ARID1B: variants seen among roughly 807,000 people sequenced by gnomAD.
The protein encoded by ARID1B is AT-rich interaction domain 1B, also known as AT-rich interactive domain-containing protein 1B.
A neutral mutation model predicts 212.3 loss-of-function variants in ARID1B; 30 were observed. The observed-to-expected ratio is 0.14, with a 90% confidence interval of 0.11 to 0.19. ARID1B has a LOEUF of 0.19. Ranked by LOEUF, ARID1B falls within the 10% of genes least tolerant of loss-of-function variation. The probability of loss-of-function intolerance (pLI) is 1.00; values close to 1 mark genes in which losing one functional copy is unlikely to be tolerated. For synonymous variants in ARID1B, 1,402 were observed against 1,301.7 expected, an observed-to-expected ratio of 1.08 and a Z score of -1.66; for missense variants, 2,891 against 3,204.0, an observed-to-expected ratio of 0.90 and a Z score of 2.36.
rs1793883342 is a variant in ARID1B, at chr6:156,955,316, A to G, written c.2247+19740A>G. On this transcript the variant is annotated intron_variant, in intron 4 of 19. Coordinates refer to ENST00000636930, the MANE Select transcript of ARID1B (RefSeq NM_001374828.1). The surrounding 1 kb of genome is among the most constrained non-coding windows in gnomAD (Gnocchi z 4.2). ...GCTTTCTGACATTCTGGTTATTGCC[A>G]TTCAACCAGGTGTGATAAACCTAGA... is the stretch of plus-strand genomic sequence containing the variant. 6.6e-6 allele frequency among the ~76,000 whole-genome samples: 1 copy of G among 152,222 alleles called. No homozygotes were observed. The highest frequency in any genetic ancestry group is 1.5e-5 in the Non-Finnish European group (1 of 68,036).
chr6:157,105,171 A>G (rs1157843182), intron 5 of ARID1B, among the ~76,000 whole-genome samples: 1 of 152,204 alleles, frequency 6.6e-6, no homozygotes, highest in Non-Finnish European at 1.5e-5. Context: ...CCATCCTCAC[A>G]TCAAATAAAC....
At chr6:157,146,084 C>T (rs1789702186) in intron 7 of ARID1B, among the ~76,000 whole-genome samples, 1 of 152,122 alleles carries the variant, frequency 6.6e-6, no homozygotes, top group South Asian at 2.1e-4. Flanking sequence ...CCCTCTATCC[C>T]CCCGTCAGCC....
At position 156,779,299 on chromosome 6, in the gene ARID1B, C is replaced by T; in HGVS notation, c.1619C>T (p.Ala540Val). 9.9e-7 allele frequency: 1 copy of T among 1,008,902 alleles called. No homozygotes were observed. The highest frequency in any genetic ancestry group is 5.4e-5 in the East Asian group (1 of 18,382). The allele number at this position is 1,008,902 out of a possible 1,614,324, so 62.5% of individuals were successfully genotyped here. A position where few individuals can be genotyped will look rare whatever the true frequency, so the allele number is the denominator to read the frequency against. ...CCGCCGTCGCAGCCCCAGTCCCAGG[C>T]GGCGGCGGCGGGGGCGGCGGCGGGC... ...PPPPSQPQSQ[A>V]AAAGAAAGGQ... The change falls in exon 1 of 20, where the codon GCG becomes GTG. Residue 540 changes from alanine to valine, a missense_variant. Ala to Val is a moderately conservative substitution (Grantham distance 64). This residue lies in a region of ARID1B where 1,643 missense variants were observed against 1,544.0 expected (regional missense o/e 1.06). Coordinates refer to ENST00000636930, the MANE Select transcript of ARID1B (RefSeq NM_001374828.1).
chr6:157,137,303 TA>T (rs1788995758), intron 7 of ARID1B, among the ~76,000 whole-genome samples: 1 of 152,192 alleles, frequency 6.6e-6, no homozygotes, highest in South Asian at 2.1e-4. Flanking sequence ...TAAAAATACT[TA>T]ATTACAGTAT....
intron 1 of ARID1B, among the ~76,000 whole-genome samples, chr6:156,796,685 C>T (rs927269397): frequency 6.6e-6 from 1 of 152,326 alleles, no homozygotes. Context: ...CAAGCCATTT[C>T]CTCCTCTTCC....
At chr6:157,158,043 AC>A (rs1396462340) in intron 8 of ARID1B, among the ~76,000 whole-genome samples, 1 of 152,212 alleles carries the variant, frequency 6.6e-6, no homozygotes, top group Non-Finnish European at 1.5e-5. Flanking sequence ...AATAATAATA[AC>A]AAAAAATGCA....
chr6:157,066,643 T>C (rs1384570898), intron 4 of ARID1B, among the ~76,000 whole-genome samples: 1 of 152,160 alleles, frequency 6.6e-6, no homozygotes, highest in African/African-American at 2.4e-5. Context: ...GTCCCTTCGT[T>C]AGGATACTGG....
At chr6:157,118,317 T>G (rs1019398544) in intron 6 of ARID1B, among the ~76,000 whole-genome samples, 3 of 152,222 alleles carry the variant, frequency 2.0e-5, no homozygotes, top group Admixed American at 1.3e-4. Flanking sequence ...TGACAGTAGA[T>G]CTGCAGATGC....
At chr6:156,850,474 A>G (rs773718287) in intron 2 of ARID1B, among the ~76,000 whole-genome samples, 18 of 152,294 alleles carry the variant, frequency 1.2e-4, no homozygotes, top group East Asian at 3.9e-4. Context: ...CTTTTAAGAC[A>G]TAAGTGCCTA....
At chr6:156,856,391 G>T (rs1191749142) in intron 2 of ARID1B, among the ~76,000 whole-genome samples, 1 of 152,142 alleles carries the variant, frequency 6.6e-6, no homozygotes, top group African/African-American at 2.4e-5. Flanking sequence ...GGCATTTTAT[G>T]TACATTAACT....
intron 1 of ARID1B, among the ~76,000 whole-genome samples, chr6:156,793,926 T>A (rs2115235079): frequency 6.6e-6 from 1 of 152,360 alleles, no homozygotes; most frequent in East Asian, 1.9e-4. Flanking sequence ...CTTTCAACAG[T>A]CTTGCAAAAG....
intron 7 of ARID1B, chr6:157,141,386 T>G (rs1251772723): frequency 6.6e-6 from 1 of 152,274 alleles, no homozygotes; most frequent in Non-Finnish European, 1.5e-5. Context: ...TTTTACATTT[T>G]AAAGAATTTT....
intron 3 of ARID1B, among the ~76,000 whole-genome samples, chr6:156,933,942 G>C (rs73007036): frequency 0.011 from 1,632 of 152,256 alleles, 10 homozygotes; most frequent in Non-Finnish European, 0.017. Flanking sequence ...ACCAGCTATT[G>C]CTCCAAAGTT....
intron 4 of ARID1B, among the ~76,000 whole-genome samples, chr6:157,000,991 G>A (rs995299142): frequency 1.3e-5 from 2 of 151,988 alleles, no homozygotes; most frequent in Non-Finnish European, 2.9e-5. Flanking sequence ...CACTGTGCCC[G>A]GCCTAAACAC....
At chr6:157,039,805 T>TACCTAC (rs1781711028) in intron 4 of ARID1B, among the ~76,000 whole-genome samples, 1 of 135,558 alleles carries the variant, frequency 7.4e-6, no homozygotes, top group Non-Finnish European at 1.5e-5. Context: ...TCTTTCTTTC[T>TACCTAC]CTTTCTTTCT....
At chr6:157,035,388 T>C (rs908153975) in intron 4 of ARID1B, among the ~76,000 whole-genome samples, 2 of 152,240 alleles carry the variant, frequency 1.3e-5, no homozygotes, top group Admixed American at 1.3e-4. Context: ...CTGTTCGCGT[T>C]TTTCCTTTAA....
intron 4 of ARID1B, among the ~76,000 whole-genome samples, chr6:157,075,584 T>C (rs879834923): frequency 1.3e-5 from 2 of 152,050 alleles, no homozygotes; most frequent in Non-Finnish European, 2.9e-5. Flanking sequence ...ATGAGTAGAG[T>C]ATGGACAGGG....
At chr6:157,173,639 A>T (rs1791874280) in intron 9 of ARID1B, 1 of 163,604 alleles carries the variant, frequency 6.1e-6, no homozygotes, top group South Asian at 1.8e-4. Flanking sequence ...GAAAATACGC[A>T]CACCCAGTAT....
chr6:156,993,301 C>G (rs1778376286), intron 4 of ARID1B, among the ~76,000 whole-genome samples: 1 of 152,206 alleles, frequency 6.6e-6, no homozygotes, highest in Non-Finnish European at 1.5e-5. Context: ...CTCAGCCTCC[C>G]AAAGTGCTGG....
Sources: gnomAD v4.1 joint callset for allele counts (sites outside exome capture counted in the v4.1 genomes callset) on GRCh38, gnomAD v4.1.1 for gene constraint, gnomAD v4.1.1 regional missense constraint, Gnocchi (gnomAD v3.1) non-coding constraint, MANE v1.5 for transcripts, NCBI Gene and HGNC (gene_info 2026-07-23, HGNC 2026-07-21) for gene names.